MYO9B: variants seen among roughly 807,000 people sequenced by gnomAD.
The protein encoded by MYO9B is myosin IXB.
A neutral mutation model predicts 229.5 loss-of-function variants in MYO9B; 71 were observed. The observed-to-expected ratio is 0.31, with a 90% confidence interval of 0.26 to 0.38. MYO9B has a LOEUF of 0.38. MYO9B is among the 10% of genes least tolerant of loss of function. MYO9B has a pLI of 1.00. For missense variants in MYO9B, 2,255 were observed against 2,920.5 expected (o/e 0.77, Z 5.25); for synonymous variants, 1,185 against 1,235.8 (o/e 0.96, Z 0.86).
intron 2 of MYO9B, among the ~76,000 whole-genome samples, chr19:17,132,929 G>C (rs1236605224): frequency 6.7e-6 from 1 of 150,220 alleles, no homozygotes; most frequent in Non-Finnish European, 1.5e-5. Context: ...CTCACTGCAA[G>C]CTCCACCTCC....
intron 17 of MYO9B, among the ~76,000 whole-genome samples, 197 bp from the exon 18 acceptor site, chr19:17,185,724 C>A (rs559760192): frequency 1.3e-5 from 2 of 152,082 alleles, no homozygotes; most frequent in African/African-American, 4.8e-5. Context: ...ATAACTCCCT[C>A]GAGGGTTTCC....
chr19:17,143,695 G>A (rs1426794054), intron 2 of MYO9B, among the ~76,000 whole-genome samples: 1 of 151,954 alleles, frequency 6.6e-6, no homozygotes, highest in African/African-American at 2.4e-5. Context: ...GGCCGGGGCG[G>A]GCAGATCATG....
intron 20 of MYO9B, 102 bp from the exon 21 acceptor site, chr19:17,192,644 C>A: frequency 1.1e-6 from 1 of 936,466 alleles, no homozygotes; most frequent in East Asian, 3.0e-5. Context: ...GGTCAGCACA[C>A]CAGCCTAGGT....
intron 3 of MYO9B, among the ~76,000 whole-genome samples, chr19:17,147,362 G>A (rs1161307413): frequency 6.6e-6 from 1 of 152,034 alleles, no homozygotes; most frequent in Non-Finnish European, 1.5e-5. Context: ...GTCCAACGTG[G>A]TGAAACCGCC....
At chr19:17,191,476 G>A (rs2072984859) in intron 20 of MYO9B, among the ~76,000 whole-genome samples, 1 of 152,206 alleles carries the variant, frequency 6.6e-6, no homozygotes. Context: ...GTAGGAAAGG[G>A]ACGATCGTGC....
intron 2 of MYO9B, among the ~76,000 whole-genome samples, chr19:17,134,772 GT>G (rs990003712): frequency 5.3e-5 from 8 of 151,236 alleles, no homozygotes; most frequent in African/African-American, 1.9e-4. Context: ...GGGGTTTTTT[GT>G]TTTTTTTCGA....
intron 26 of MYO9B, among the ~76,000 whole-genome samples, chr19:17,201,275 A>G (rs1228131284): frequency 6.6e-6 from 1 of 150,766 alleles, no homozygotes; most frequent in African/African-American, 2.4e-5. Flanking sequence ...GCAAAGATTG[A>G]TGAAGCACTG....
intron 2 of MYO9B, among the ~76,000 whole-genome samples, chr19:17,114,289 C>T (rs540344403): frequency 2.0e-5 from 3 of 152,148 alleles, no homozygotes; most frequent in East Asian, 1.9e-4. Context: ...AAATTCGGCA[C>T]GATTGTGGAG....
At chr19:17,126,302 C>T (rs1040783125) in intron 2 of MYO9B, among the ~76,000 whole-genome samples, 1 of 152,208 alleles carries the variant, frequency 6.6e-6, no homozygotes, top group Non-Finnish European at 1.5e-5. Context: ...CCCAGGCCTG[C>T]TCCTCCACGT....
chr19:17,197,013 C>A (rs1046611916), intron 22 of MYO9B, among the ~76,000 whole-genome samples: 2 of 152,048 alleles, frequency 1.3e-5, no homozygotes, highest in African/African-American at 4.8e-5. Flanking sequence ...CGGGGGCTCA[C>A]ACCTATAATC....
intron 2 of MYO9B, among the ~76,000 whole-genome samples, chr19:17,107,620 C>G (rs2057805006): frequency 6.6e-6 from 1 of 152,206 alleles, no homozygotes; most frequent in African/African-American, 2.4e-5. Flanking sequence ...TCCCTCCCGG[C>G]TCTGGGGGAG....
intron 15 of MYO9B, among the ~76,000 whole-genome samples, chr19:17,182,928 G>A (rs898047482): frequency 6.6e-6 from 1 of 151,462 alleles, no homozygotes; most frequent in African/African-American, 2.4e-5. Context: ...TTTGGGTTTT[G>A]GGGGGGGTTT....
intron 2 of MYO9B, among the ~76,000 whole-genome samples, chr19:17,135,376 G>A (rs537399405): frequency 5.9e-5 from 9 of 152,128 alleles, no homozygotes; most frequent in Non-Finnish European, 8.8e-5. Flanking sequence ...TTCCCGGTGC[G>A]TGTGCCAGAT....
At chr19:17,190,839 T>C (rs975982204) in intron 19 of MYO9B, among the ~76,000 whole-genome samples, 1 of 151,970 alleles carries the variant, frequency 6.6e-6, no homozygotes, top group South Asian at 2.1e-4. Flanking sequence ...GAGATGGGGT[T>C]TCACCATGTT....
rs768497659 is a variant in MYO9B, at chr19:17,206,249, C to G, written c.5259C>G (p.Asp1753Glu). The change falls in exon 33 of 40, where the codon GAC becomes GAG. Residue 1753 changes from aspartate to glutamate, a missense_variant and splice_region_variant. Transcript: ENST00000682292. ...AGACCCACCCCACCCACCCCACAGACCCCGCAGCAGTCAAGCTGGAGAACT... is the reference window on the plus strand; with the variant it reads ...AGACCCACCCCACCCACCCCACAGAGCCCGCAGCAGTCAAGCTGGAGAACT... ...TRELRQALQT[D>E]PAAVKLENFP... 1 of 1,540,658 alleles carries G rather than the reference C, an allele frequency of 6.5e-7. No individual in the cohort carries two copies. The highest frequency in any genetic ancestry group is 8.7e-7 in the Non-Finnish European group (1 of 1,152,496).
intron 1 of MYO9B, among the ~76,000 whole-genome samples, chr19:17,092,905 C>G (rs1423657135): frequency 6.6e-6 from 1 of 152,096 alleles, no homozygotes; most frequent in East Asian, 1.9e-4. Context: ...ATGTTGTGTT[C>G]ACAGAGGTGT....
intron 11 of MYO9B, among the ~76,000 whole-genome samples, chr19:17,168,951 C>T (rs932342915): frequency 6.6e-6 from 1 of 152,152 alleles, no homozygotes; most frequent in African/African-American, 2.4e-5. Flanking sequence ...TCTGGGTCAC[C>T]CAGTTGTAGT....
At chr19:17,132,845 A>T (rs1178488831) in intron 2 of MYO9B, among the ~76,000 whole-genome samples, 7 of 142,400 alleles carry the variant, frequency 4.9e-5, no homozygotes, top group Non-Finnish European at 9.2e-5. Context: ...TTTCTTTTTT[A>T]TTTATTTATT....
intron 1 of MYO9B, among the ~76,000 whole-genome samples, chr19:17,096,701 T>TG (rs1287106423): frequency 0.073 from 3,241 of 44,210 alleles, 96 homozygotes; most frequent in South Asian, 0.13. Context: ...TTGTTGTTGT[T>TG]GTTGGTTTTT....
Sources: allele counts gnomAD v4.1 joint callset (sites outside exome capture counted in the v4.1 genomes callset), GRCh38; gene constraint gnomAD v4.1.1; transcripts MANE v1.5; gene names NCBI Gene and HGNC (gene_info 2026-07-23, HGNC 2026-07-21).